PPP2R3B: variants seen among roughly 807,000 people sequenced by gnomAD.
PPP2R3B encodes protein phosphatase 2 regulatory subunit B''beta, also known as serine/threonine-protein phosphatase 2A regulatory subunit B'' subunit beta.
PPP2R3B carries 68 observed loss-of-function variants against 72.9 expected under a neutral mutation model. That is an observed-to-expected ratio of 0.93 (90% CI 0.77 to 1.14). The LOEUF (loss-of-function observed/expected upper bound fraction) is 1.14. PPP2R3B is among the 50% of genes most tolerant of loss of function. The probability of loss-of-function intolerance (pLI) is 0.00; values close to 1 mark genes in which losing one functional copy is unlikely to be tolerated. For missense variants in PPP2R3B, 1,018 were observed against 842.0 expected (o/e 1.21, Z -2.59); for synonymous variants, 466 against 375.8 (o/e 1.24, Z -2.78).
At position 334,720 on chromosome X, in the gene PPP2R3B, G is replaced by A. The variant is rs186255057; in HGVS notation, c.1578-203C>T. Reference sequence around the variant, plus strand: ...GAATGCTCCCGGGGGAGGGGCCTGCGGTGCAGGTGAAAACCCACCCAGGAC... The same window carrying A: ...GAATGCTCCCGGGGGAGGGGCCTGCAGTGCAGGTGAAAACCCACCCAGGAC... On this transcript the variant is annotated intron_variant, in intron 12 of 12. Transcript: ENST00000390665. 140 of 602,096 alleles carry A rather than the reference G, an allele frequency of 2.3e-4. 1 individual carries two copies. The highest frequency in any genetic ancestry group is 1.9e-3 in the Middle Eastern group (4 of 2,138). The allele number at this position is 602,096 out of a possible 1,614,324, so 37.3% of individuals were successfully genotyped here.
chrX:342,244 T>G, intron 7 of PPP2R3B: 2 of 539,124 alleles, frequency 3.7e-6, no homozygotes, highest in South Asian at 4.2e-5. Context: ...AGACCTCGAG[T>G]GTGATCACGG....
chrX:363,431 G>A (rs1402585412), intron 1 of PPP2R3B, among the ~76,000 whole-genome samples: 24 of 122,944 alleles, frequency 2.0e-4, no homozygotes, highest in Non-Finnish European at 2.5e-4. Flanking sequence ...CCGAGCCCGC[G>A]ATCCCACAAT....
chrX:363,001 G>C (rs5945459), intron 1 of PPP2R3B, among the ~76,000 whole-genome samples: 92,359 of 151,780 alleles, frequency 0.61, 28,306 homozygotes, highest in Admixed American at 0.64. Context: ...CCCTGCTGTC[G>C]CTGCAGGACC....
intron 4 of PPP2R3B, 54 bp from the exon 5 acceptor site, chrX:346,829 G>GGATGAGGCGTA: frequency 6.6e-7 from 1 of 1,521,232 alleles, no homozygotes; most frequent in Non-Finnish European, 9.0e-7. Context: ...CTCCCGTGAG[G>GGATGAGGCGTA]TGTGCGGTGT....
chrX:363,625 C>T (rs866274529), intron 1 of PPP2R3B, among the ~76,000 whole-genome samples: 23 of 100,962 alleles, frequency 2.3e-4, no homozygotes, highest in South Asian at 6.2e-4. Context: ...TGCATCTCCC[C>T]GAGCCCACCA....
rs773336747 is a variant in PPP2R3B at position 345,580 on chromosome X, C to T, written c.972G>A (p.Trp324Ter). 1.2e-6 allele frequency: 2 copies of T among 1,613,290 alleles called. No homozygotes were observed. Among genetic ancestry groups the T allele is most frequent in the Middle Eastern group, 1.7e-4 (1 of 6,054 alleles). The change falls in exon 7 of 13, where the codon TGG (tryptophan) becomes TGA (stop). Residue 324 changes from tryptophan (W) to a stop codon, truncating the protein, a stop_gained. Transcript: ENST00000390665. LOFTEE classifies it high-confidence loss of function. ...EHFYVIYCKF[W>*]ELDTDHDLLI... The stretch of plus-strand genomic sequence containing the variant: ...GCAGGTCGTGGTCCGTGTCCAGCTC[C>T]CAGAACTTGCAGTAGATGACGTAGA...
At position 386,568 on chromosome X, in the gene PPP2R3B, G is replaced by T. The variant is rs1030098978; in HGVS notation, c.124C>A (p.Pro42Thr). ...CCCGGGGTCGGCTGGTCCCGCCCGG[G>T]CGCCTTGATCCGGCGCAGGCAGTCC... ...LQDCLRRIKA[P>T]GRDQPTPGDG... The change falls in exon 1 of 13, where the codon CCC becomes ACC. Residue 42 changes from proline to threonine, a missense_variant. Physicochemically the swap from Pro to Thr is conservative, Grantham distance 38. Coordinates refer to ENST00000390665, the MANE Select transcript of PPP2R3B (RefSeq NM_013239.5). 3 of 1,442,262 alleles carry T rather than the reference G, an allele frequency of 2.1e-6. No homozygotes were observed. Among genetic ancestry groups the T allele is most frequent in the Non-Finnish European group, 2.7e-6 (3 of 1,096,720 alleles). The allele number at this position is 1,442,262 out of a possible 1,614,324, so 89.3% of individuals were successfully genotyped here.
intron 12 of PPP2R3B, chrX:337,616 G>A (rs34688453): frequency 0.4 from 60,778 of 151,790 alleles, 13,309 homozygotes; most frequent in South Asian, 0.51. Context: ...GAGCAAGGAC[G>A]GGCTGAGTCT....
intron 2 of PPP2R3B, among the ~76,000 whole-genome samples, chrX:356,863 G>A (rs1433301405): frequency 3.7e-4 from 30 of 80,590 alleles, no homozygotes; most frequent in African/African-American, 1.6e-3. Flanking sequence ...GCCACACAGC[G>A]AGCCCCACAG....
intron 7 of PPP2R3B, 182 bp from the exon 8 acceptor site, chrX:342,113 G>A (rs1000425429): frequency 5.0e-5 from 34 of 683,610 alleles, no homozygotes; most frequent in African/African-American, 1.1e-4. Context: ...ACGCTTTCCC[G>A]TCGAGCAGAG....
rs1396759911 is a variant in PPP2R3B, at chrX:356,365, G to A, written c.510+5040C>T. ...CGAGTAGCTGGAATGACAGGTGCCCGCCACCATACCTGGCTAATTTTTGTA... is the reference window on the plus strand; with the variant it reads ...CGAGTAGCTGGAATGACAGGTGCCCACCACCATACCTGGCTAATTTTTGTA... On this transcript the variant is annotated intron_variant, in intron 2 of 12. Coordinates refer to ENST00000390665, the MANE Select transcript of PPP2R3B (RefSeq NM_013239.5). 4.6e-5 allele frequency among the ~76,000 whole-genome samples: 7 copies of A among 152,220 alleles called. No individual in the cohort carries two copies. The East Asian group carries it at 7.7e-4, about 17-fold the overall frequency.
Position 338,898 on chromosome X carries a change from T to C in PPP2R3B, c.1352-2A>G. 2 of 1,611,896 alleles carry C rather than the reference T, an allele frequency of 1.2e-6. No homozygotes were observed. The highest frequency in any genetic ancestry group is 8.5e-7 in the Non-Finnish European group (1 of 1,179,314). On this transcript the variant is annotated splice_acceptor_variant, in intron 10 of 12. Coordinates refer to ENST00000390665, the MANE Select transcript of PPP2R3B (RefSeq NM_013239.5). LOFTEE classifies it high-confidence loss of function. ...TCAGGTCCTGCAGCGTGATCTTCCCTGCGGGGAGGGGAGTGCGTCCAAGGC... is the reference window on the plus strand; with the variant it reads ...TCAGGTCCTGCAGCGTGATCTTCCCCGCGGGGAGGGGAGTGCGTCCAAGGC...
rs1262478052 is a variant in PPP2R3B at position 334,739 on chromosome X, CCAGGA to C, written c.1578-227_1578-223del. 3 of 509,016 alleles carry C rather than the reference CCAGGA, an allele frequency of 5.9e-6. 1 individual carries two copies. In the Middle Eastern group the frequency reaches 1.5e-3, roughly 262 times the overall value. The allele number at this position is 509,016 out of a possible 1,614,324, so 31.5% of individuals were successfully genotyped here. The stretch of plus-strand genomic sequence containing the variant: ...GCCTGCGGTGCAGGTGAAAACCCAC[CCAGGA>C]CGGGACGGAGCCCCGGGCGTGAGCT... On this transcript the variant is annotated intron_variant, in intron 12 of 12. Coordinates refer to ENST00000390665, the MANE Select transcript of PPP2R3B (RefSeq NM_013239.5).
chrX:334,065 C>T lies in PPP2R3B; in HGVS notation c.*302G>A, dbSNP rs1139186. 80,686 of 311,020 alleles carry T rather than the reference C, an allele frequency of 0.26. 11,419 individuals carry two copies. The highest frequency in any genetic ancestry group is 0.32 in the Middle Eastern group (360 of 1,128). The allele number at this position is 311,020 out of a possible 1,614,324, so 19.3% of individuals were successfully genotyped here. On this transcript the variant is annotated 3_prime_UTR_variant, in exon 13 of 13. Coordinates refer to ENST00000390665, the MANE Select transcript of PPP2R3B (RefSeq NM_013239.5). ...GCCGCCGGTCACCGTTGTGCGCACA[C>T]GGACCCTTTCCACAGACGCAGGCCC...
chrX:351,941 C>T (rs2071340737), intron 2 of PPP2R3B, among the ~76,000 whole-genome samples: 1 of 152,176 alleles, frequency 6.6e-6, no homozygotes, highest in Non-Finnish European at 1.5e-5. Context: ...GCCATCCTCC[C>T]GCCTTGGCCT....
intron 7 of PPP2R3B, chrX:345,274 C>T (rs949172025): frequency 7.1e-6 from 5 of 699,564 alleles, no homozygotes; most frequent in East Asian, 2.7e-5. Flanking sequence ...GCGGCCCACA[C>T]TGACCCTGTA....
At chrX:363,861 G>A (rs1337642431) in intron 1 of PPP2R3B, among the ~76,000 whole-genome samples, 2 of 152,270 alleles carry the variant, frequency 1.3e-5, no homozygotes, top group African/African-American at 2.4e-5. Flanking sequence ...ATATTCTGCA[G>A]TGAGCTCTCG....
At chrX:371,564 G>A (rs1394588107) in intron 1 of PPP2R3B, among the ~76,000 whole-genome samples, 1 of 152,142 alleles carries the variant, frequency 6.6e-6, no homozygotes, top group Non-Finnish European at 1.5e-5. Context: ...ACCCGCCAGG[G>A]GCTCGTGGGT....
At chrX:361,074 G>A (rs5945448) in intron 2 of PPP2R3B, among the ~76,000 whole-genome samples, 22,020 of 152,128 alleles carry the variant, frequency 0.14, 1,910 homozygotes, top group Admixed American at 0.22. Context: ...GAGAGCTGGC[G>A]CCACTGGCCC....
Sources: gnomAD v4.1 joint callset for allele counts (sites outside exome capture counted in the v4.1 genomes callset) on GRCh38, gnomAD v4.1.1 for gene constraint, MANE v1.5 for transcripts, NCBI Gene and HGNC (gene_info 2026-07-23, HGNC 2026-07-21) for gene names.